YAF2: variants seen among roughly 807,000 people sequenced by gnomAD.
YAF2 encodes the protein YY1-associated factor 2.
In YAF2, 7 loss-of-function variants were observed where a neutral mutation model predicts 20.1. The ratio of observed to expected loss-of-function variants is 0.35; its 90% CI spans 0.20 to 0.65. YAF2 has a LOEUF of 0.65. Ranked by LOEUF, YAF2 falls within the 30% of genes least tolerant of loss-of-function variation. YAF2 has a pLI of 0.69. For missense variants in YAF2, 151 were observed against 219.2 expected (o/e 0.69, Z 1.96); for synonymous variants, 74 against 76.0 (o/e 0.97, Z 0.14).
At chr12:42,227,959 C>G (rs1378607976) in intron 2 of YAF2, among the ~76,000 whole-genome samples, 5 of 145,936 alleles carry the variant, frequency 3.4e-5, no homozygotes, top group African/African-American at 1.3e-4. Context: ...GCCACCCTGT[C>G]CGGGAGGGAG....
chr12:42,175,704 T>G (rs1325712246), intron 2 of YAF2, among the ~76,000 whole-genome samples: 16 of 104,550 alleles, frequency 1.5e-4, no homozygotes, highest in African/African-American at 5.5e-4. Flanking sequence ...ATCGCACCAC[T>G]ACACTCCAGC....
At chr12:42,195,345 G>T (rs2066722051) in intron 2 of YAF2, among the ~76,000 whole-genome samples, 1 of 152,172 alleles carries the variant, frequency 6.6e-6, no homozygotes, top group African/African-American at 2.4e-5. Flanking sequence ...GAATGAAATT[G>T]TGGCATTAAA....
intron 2 of YAF2, among the ~76,000 whole-genome samples, chr12:42,181,717 A>G (rs1416902422): frequency 1.3e-5 from 2 of 152,250 alleles, no homozygotes; most frequent in Non-Finnish European, 2.9e-5. Context: ...CAGATGCCAG[A>G]ATTCAAAATA....
chr12:42,237,917 A>G, intron 1 of YAF2, 193 bp from the exon 2 acceptor site: 1 of 465,642 alleles, frequency 2.1e-6, no homozygotes, highest in Non-Finnish European at 2.9e-6. Flanking sequence ...GCGCGGCCGC[A>G]GTCGCCGCCG....
chr12:42,199,140 C>CTTTTT, intron 2 of YAF2: 1 of 1,287,582 alleles, frequency 7.8e-7, no homozygotes, highest in Non-Finnish European at 1.0e-6. Flanking sequence ...GCTTACCAGA[C>CTTTTT]TGTCCAAAAA....
chr12:42,164,292 A>C (rs2065863390), intron 2 of YAF2, among the ~76,000 whole-genome samples: 1 of 152,198 alleles, frequency 6.6e-6, no homozygotes, highest in African/African-American at 2.4e-5. Context: ...ATTTACTATA[A>C]TGTAAGAAAA....
chr12:42,236,575 T>C (rs2068164604), intron 2 of YAF2, among the ~76,000 whole-genome samples: 1 of 152,176 alleles, frequency 6.6e-6, no homozygotes, highest in Admixed American at 6.5e-5. Flanking sequence ...TAAAGTGTTT[T>C]TTAAAAAATC....
intron 2 of YAF2, among the ~76,000 whole-genome samples, chr12:42,206,754 T>A (rs1419532755): frequency 6.6e-6 from 1 of 152,158 alleles, no homozygotes; most frequent in Non-Finnish European, 1.5e-5. Flanking sequence ...TTCTGCCAAA[T>A]GTTATCCCAC....
At chr12:42,216,550 A>C (rs1017958622) in intron 2 of YAF2, among the ~76,000 whole-genome samples, 1 of 152,056 alleles carries the variant, frequency 6.6e-6, no homozygotes, top group Non-Finnish European at 1.5e-5. Flanking sequence ...ACTGTAAAAA[A>C]ATAAAGATGT....
At chr12:42,201,592 T>C (rs189832448) in intron 2 of YAF2, among the ~76,000 whole-genome samples, 12 of 152,158 alleles carry the variant, frequency 7.9e-5, no homozygotes, top group African/African-American at 2.4e-4. Flanking sequence ...TTTGTTGCTG[T>C]TGCTGTTGTT....
chr12:42,212,732 A>G (rs995805737), intron 2 of YAF2, among the ~76,000 whole-genome samples: 6 of 152,318 alleles, frequency 3.9e-5, no homozygotes, highest in Middle Eastern at 3.4e-3. Flanking sequence ...AAGATCTGTG[A>G]TAGATTCTTA....
intron 2 of YAF2, chr12:42,232,934 C>G (rs1479955764): frequency 1.0e-6 from 1 of 985,248 alleles, no homozygotes; most frequent in Non-Finnish European, 1.2e-6. Context: ...AAGGAAAGAT[C>G]TACTAACACT....
At chr12:42,199,133 TACCAG>T in intron 2 of YAF2, 1 of 1,286,328 alleles carries the variant, frequency 7.8e-7, no homozygotes, top group Non-Finnish European at 1.0e-6. Context: ...AGTGACAGCT[TACCAG>T]ACTGTCCAAA....
intron 2 of YAF2, chr12:42,236,140 A>G: frequency 7.8e-7 from 1 of 1,280,160 alleles, no homozygotes; most frequent in Non-Finnish European, 1.0e-6. Flanking sequence ...TCCTGCCTCC[A>G]AAAAACGAAT....
At chr12:42,205,429 G>A (rs1299614077) in intron 2 of YAF2, among the ~76,000 whole-genome samples, 1 of 150,460 alleles carries the variant, frequency 6.6e-6, no homozygotes, top group Non-Finnish European at 1.5e-5. Flanking sequence ...AGGCTGGAGT[G>A]CAGTGGCACA....
At chr12:42,219,395 G>A (rs1031097809) in intron 2 of YAF2, among the ~76,000 whole-genome samples, 2 of 152,308 alleles carry the variant, frequency 1.3e-5, no homozygotes, top group Non-Finnish European at 2.9e-5. Flanking sequence ...GAGCTGTATG[G>A]TTGAAGGAAT....
At chr12:42,193,044 T>C (rs999671309) in intron 2 of YAF2, among the ~76,000 whole-genome samples, 2 of 152,190 alleles carry the variant, frequency 1.3e-5, no homozygotes, top group African/African-American at 4.8e-5. Context: ...CCGGGCACGG[T>C]GGCTCACACC....
intron 2 of YAF2, among the ~76,000 whole-genome samples, chr12:42,170,251 G>T (rs763820010): frequency 6.6e-6 from 1 of 152,126 alleles, no homozygotes; most frequent in South Asian, 2.1e-4. Context: ...GAAGGATTGT[G>T]TCTTTTCATT....
intron 2 of YAF2, chr12:42,199,383 A>C: frequency 3.5e-6 from 1 of 289,166 alleles, no homozygotes; most frequent in South Asian, 3.6e-5. Context: ...AAGTGACATA[A>C]ACATTGTTCA....
Sources: gnomAD v4.1 joint callset for allele counts (sites outside exome capture counted in the v4.1 genomes callset) on GRCh38, gnomAD v4.1.1 for gene constraint, MANE v1.5 for transcripts, NCBI Gene and HGNC (gene_info 2026-07-23, HGNC 2026-07-21) for gene names.